Variants in CDH12 observed in about 807,000 individuals in gnomAD.
CDH12 encodes cadherin 12, also known as cadherin-12.
A neutral mutation model predicts 74.1 loss-of-function variants in CDH12; 41 were observed. The observed-to-expected ratio is 0.55, with a 90% CI of 0.43 to 0.72. The LOEUF is 0.72. Among genes scored for constraint, CDH12 ranks in the 30% least tolerant of loss-of-function variants. The pLI is 0.00. For missense variants in CDH12, 945 were observed against 977.2 expected, an observed-to-expected ratio of 0.97 and a Z score of 0.44; for synonymous variants, 399 against 355.0, an observed-to-expected ratio of 1.12 and a Z score of -1.39.
intron 6 of CDH12, among the ~76,000 whole-genome samples, chr5:21,958,268 G>C (rs1387031847): frequency 6.6e-6 from 1 of 151,920 alleles, no homozygotes; most frequent in East Asian, 1.9e-4. Flanking sequence ...GTCTCTGGTG[G>C]TTCTTTATAG....
At chr5:22,623,548 T>G (rs1175432700) in intron 1 of CDH12, among the ~76,000 whole-genome samples, 1 of 152,026 alleles carries the variant, frequency 6.6e-6, no homozygotes, top group Non-Finnish European at 1.5e-5. Flanking sequence ...AAATCATGAG[T>G]GAACTCCCAT....
chr5:22,330,569 G>T (rs1739306592), intron 3 of CDH12, among the ~76,000 whole-genome samples: 1 of 151,876 alleles, frequency 6.6e-6, no homozygotes, highest in African/African-American at 2.4e-5. Flanking sequence ...TGGCTAACAT[G>T]GTGAAATCCT....
chr5:21,991,799 T>G (rs1400029925), intron 5 of CDH12, among the ~76,000 whole-genome samples: 5 of 151,694 alleles, frequency 3.3e-5, no homozygotes, highest in African/African-American at 1.2e-4. Context: ...ATATCACAAA[T>G]GCAGAAAAAA....
At chr5:22,105,883 G>C (rs1326660334) in intron 4 of CDH12, among the ~76,000 whole-genome samples, 2 of 152,016 alleles carry the variant, frequency 1.3e-5, no homozygotes, top group Non-Finnish European at 2.9e-5. Context: ...CTTATTTTGG[G>C]GAGGTACACA....
intron 2 of CDH12, among the ~76,000 whole-genome samples, chr5:22,452,368 C>T (rs1289839061): frequency 6.6e-6 from 1 of 151,896 alleles, no homozygotes; most frequent in African/African-American, 2.4e-5. Context: ...AGCATAAACA[C>T]AGACACATAG....
chr5:22,273,996 T>C (rs919288264), intron 3 of CDH12, among the ~76,000 whole-genome samples: 4 of 152,174 alleles, frequency 2.6e-5, no homozygotes, highest in East Asian at 3.8e-4. Flanking sequence ...TGAATTCTTT[T>C]GAATTTATAT....
At chr5:22,222,607 T>C (rs919437797) in intron 3 of CDH12, among the ~76,000 whole-genome samples, 11 of 151,832 alleles carry the variant, frequency 7.2e-5, no homozygotes, top group African/African-American at 2.7e-4. Flanking sequence ...CATGAAAATA[T>C]CAAAATCATA....
intron 2 of CDH12, among the ~76,000 whole-genome samples, chr5:22,461,915 T>C (rs1338742367): frequency 2.6e-5 from 4 of 152,090 alleles, no homozygotes; most frequent in Non-Finnish European, 4.4e-5. Context: ...ATTGCTGAAA[T>C]TTTTTAATGA....
intron 1 of CDH12, among the ~76,000 whole-genome samples, chr5:22,633,994 A>C (rs557917979): frequency 1.3e-4 from 20 of 152,304 alleles, no homozygotes; most frequent in African/African-American, 4.8e-4. Flanking sequence ...CCATATTGCT[A>C]TAAAGCTTTT....
At chr5:22,507,108 C>T (rs1024976359) in intron 1 of CDH12, among the ~76,000 whole-genome samples, 6 of 152,118 alleles carry the variant, frequency 3.9e-5, no homozygotes, top group East Asian at 1.9e-4. Context: ...AAGTTCATTA[C>T]GCTTGAAAAA....
intron 1 of CDH12, among the ~76,000 whole-genome samples, chr5:22,723,145 G>C (rs1320691346): frequency 6.6e-6 from 1 of 152,084 alleles, no homozygotes; most frequent in East Asian, 1.9e-4. Context: ...TCATTTTATA[G>C]TCCTTTTCTT....
intron 3 of CDH12, among the ~76,000 whole-genome samples, chr5:22,214,575 G>C (rs1168299001): frequency 1.3e-5 from 2 of 152,160 alleles, no homozygotes; most frequent in Non-Finnish European, 2.9e-5. Context: ...TGTGTAGTTG[G>C]TCATGCAATT....
At chr5:22,431,082 G>A (rs1744151413) in intron 2 of CDH12, among the ~76,000 whole-genome samples, 1 of 152,106 alleles carries the variant, frequency 6.6e-6, no homozygotes, top group African/African-American at 2.4e-5. Context: ...TATCCATTGA[G>A]TTACGGATTA....
intron 1 of CDH12, among the ~76,000 whole-genome samples, chr5:22,581,117 G>A (rs1173549057): frequency 6.6e-6 from 1 of 152,174 alleles, no homozygotes; most frequent in East Asian, 1.9e-4. Flanking sequence ...ATGTCACAAG[G>A]AGTCAAATAT....
chr5:22,723,388 T>C (rs1744000090), intron 1 of CDH12, among the ~76,000 whole-genome samples: 1 of 152,166 alleles, frequency 6.6e-6, no homozygotes, highest in Admixed American at 6.5e-5. Context: ...ATTTCTGTAA[T>C]GTGCCCAATG....
At chr5:22,017,389 C>T (rs1038212090) in intron 5 of CDH12, among the ~76,000 whole-genome samples, 1 of 152,116 alleles carries the variant, frequency 6.6e-6, no homozygotes, top group Non-Finnish European at 1.5e-5. Flanking sequence ...CTGGGCTAGA[C>T]TGAAGGTCAC....
At chr5:22,003,041 A>C (rs181989213) in intron 5 of CDH12, among the ~76,000 whole-genome samples, 92 of 152,188 alleles carry the variant, frequency 6.0e-4, no homozygotes, top group African/African-American at 2.1e-3. Flanking sequence ...ATATGCCTAA[A>C]AACTGCATAG....
chr5:22,186,363 A>G (rs976225568), intron 4 of CDH12, among the ~76,000 whole-genome samples: 3 of 152,228 alleles, frequency 2.0e-5, no homozygotes, highest in African/African-American at 7.2e-5. Context: ...ATCTAACCAT[A>G]TAGTCAAGCT....
At chr5:22,414,540 G>C (rs1743301239) in intron 2 of CDH12, among the ~76,000 whole-genome samples, 1 of 151,800 alleles carries the variant, frequency 6.6e-6, no homozygotes, top group South Asian at 2.1e-4. Flanking sequence ...ATTCTTAGTG[G>C]GGTAGGGTTG....
Sources: allele counts gnomAD v4.1 joint callset (sites outside exome capture counted in the v4.1 genomes callset), GRCh38; gene constraint gnomAD v4.1.1; transcripts MANE v1.5; gene names NCBI Gene and HGNC (gene_info 2026-07-23, HGNC 2026-07-21).